Variants in NAV2 observed in about 807,000 individuals in gnomAD.
NAV2 encodes the protein neuron navigator 2, also known as helicase, APC down-regulated 1.
Under a neutral mutation model 223.2 loss-of-function variants are expected in NAV2, and 54 were observed. The observed-to-expected ratio is 0.24, with a 90% CI of 0.19 to 0.30. The LOEUF is 0.30. Ranked by LOEUF, NAV2 falls within the 10% of genes least tolerant of loss-of-function variation. The probability of loss-of-function intolerance (pLI) is 1.00; values close to 1 mark genes in which losing one functional copy is unlikely to be tolerated. For synonymous variants in NAV2, 1,279 were observed against 1,239.3 expected, an observed-to-expected ratio of 1.03 and a Z score of -0.67; for missense variants, 2,806 against 3,147.5, an observed-to-expected ratio of 0.89 and a Z score of 2.60.
chr11:20,083,356 A>G lies in NAV2; in HGVS notation c.5498+177A>G, dbSNP rs560004125. Among the ~76,000 whole-genome samples, 4 of 152,350 alleles carry G rather than the reference A, an allele frequency of 2.6e-5. 1 individual carries two copies. In the East Asian group the frequency reaches 7.7e-4, roughly 29 times the overall value. ...GACTGGGAAAGTTGAAAGAGAAAAG[A>G]AACTTAGGTTTTCGTTCTGATGGTG... On this transcript the variant is annotated intron_variant, in intron 26 of 37. Transcript: ENST00000349880.
chr11:19,452,347 G>A (rs1435284597), intron 1 of NAV2, among the ~76,000 whole-genome samples: 1 of 152,182 alleles, frequency 6.6e-6, no homozygotes, highest in Non-Finnish European at 1.5e-5. Flanking sequence ...GGAAGATAAA[G>A]ACACAGCTGA....
chr11:19,832,752 G>T (rs1190517497), intron 2 of NAV2, 151 bp downstream of exon 2: 32 of 697,340 alleles, frequency 4.6e-5, no homozygotes, highest in Admixed American at 1.5e-4. Flanking sequence ...TGACTAAGTT[G>T]TGTGAGTACC....
At chr11:20,015,837 T>G (rs1335507198) in intron 11 of NAV2, among the ~76,000 whole-genome samples, 1 of 152,190 alleles carries the variant, frequency 6.6e-6, no homozygotes, top group African/African-American at 2.4e-5. Context: ...TAGAAGGAGC[T>G]GAAGGACTGT....
intron 1 of NAV2, among the ~76,000 whole-genome samples, chr11:19,375,789 A>G (rs1188203849): frequency 6.6e-6 from 1 of 152,166 alleles, no homozygotes; most frequent in African/African-American, 2.4e-5. Flanking sequence ...ATCACTTGGC[A>G]TTCCTACAGC....
At chr11:20,089,273 G>C (rs2060661429) in intron 26 of NAV2, among the ~76,000 whole-genome samples, 1 of 152,134 alleles carries the variant, frequency 6.6e-6, no homozygotes, top group Non-Finnish European at 1.5e-5. Flanking sequence ...ACATAAGGTG[G>C]TTTTACCGTG....
chr11:19,407,336 C>T (rs1255436535), intron 1 of NAV2, among the ~76,000 whole-genome samples: 1 of 152,070 alleles, frequency 6.6e-6, no homozygotes, highest in Non-Finnish European at 1.5e-5. Flanking sequence ...ACAAGCAGCA[C>T]CGAATGCCAA....
At chr11:19,552,823 C>T (rs148959551) in intron 1 of NAV2, among the ~76,000 whole-genome samples, 48 of 151,630 alleles carry the variant, frequency 3.2e-4, no homozygotes, top group African/African-American at 1.1e-3. Context: ...GCAGCAGTTC[C>T]ACCCACCAAG....
At chr11:19,518,084 T>A in intron 1 of NAV2, among the ~76,000 whole-genome samples, 1 of 152,256 alleles carries the variant, frequency 6.6e-6, no homozygotes, top group East Asian at 1.9e-4. Context: ...GGCTATTGAC[T>A]TCTTCCTTCT....
At position 19,671,542 on chromosome 11, in the gene NAV2, G is replaced by A. The variant is rs1296712232; in HGVS notation, c.76-160942G>A. On this transcript the variant is annotated intron_variant, in intron 1 of 37. Transcript: ENST00000360655. Reference sequence around the variant, plus strand: ...TTCCTGTCTTTCTCCTGCATCCAGCGAAGCTCCTTGTTGTCAGACTGAACC... The same window carrying A: ...TTCCTGTCTTTCTCCTGCATCCAGCAAAGCTCCTTGTTGTCAGACTGAACC... 4.6e-5 allele frequency among the ~76,000 whole-genome samples: 7 copies of A among 152,088 alleles called. No homozygotes were observed. In the South Asian group the frequency reaches 6.2e-4, roughly 14 times the overall value.
At chr11:19,834,118 C>A (rs2060101304) in intron 2 of NAV2, among the ~76,000 whole-genome samples, 1 of 152,218 alleles carries the variant, frequency 6.6e-6, no homozygotes, top group Non-Finnish European at 1.5e-5. Flanking sequence ...TACCAAAGTG[C>A]AGGCATCATT....
At chr11:19,887,665 C>A (rs1301423619) in intron 5 of NAV2, among the ~76,000 whole-genome samples, 2 of 152,096 alleles carry the variant, frequency 1.3e-5, no homozygotes, top group African/African-American at 4.8e-5. Flanking sequence ...GTAAGGCAAC[C>A]AGGCTGCCTC....
chr11:19,868,815 C>T (rs914002490), intron 3 of NAV2, 110 bp from the exon 4 acceptor site: 12 of 988,428 alleles, frequency 1.2e-5, no homozygotes, highest in South Asian at 1.5e-5. Flanking sequence ...TCTTGGCGTT[C>T]GTTCATCGGC....
chr11:19,581,466 C>A (rs187822210), intron 1 of NAV2, among the ~76,000 whole-genome samples: 1 of 152,246 alleles, frequency 6.6e-6, no homozygotes, highest in East Asian at 1.9e-4. Context: ...GTGTGCTGCA[C>A]CCGTTAACTC....
intron 3 of NAV2, among the ~76,000 whole-genome samples, chr11:19,866,289 A>G (rs2062086167): frequency 6.6e-6 from 1 of 152,212 alleles, no homozygotes; most frequent in Admixed American, 6.5e-5. Context: ...TATCCATAAG[A>G]TGCGAGTAGT....
At chr11:19,646,636 A>G (rs908791008) in intron 1 of NAV2, among the ~76,000 whole-genome samples, 3 of 152,094 alleles carry the variant, frequency 2.0e-5, no homozygotes, top group African/African-American at 4.8e-5. Context: ...ATGTTGGGGT[A>G]TATTTGAGGG....
chr11:19,664,309 G>A (rs1054195298), intron 1 of NAV2, among the ~76,000 whole-genome samples: 1 of 152,196 alleles, frequency 6.6e-6, no homozygotes, highest in Non-Finnish European at 1.5e-5. Context: ...AGGTCCTATA[G>A]CTGGGCATGC....
At chr11:19,527,910 A>T (rs1252731591) in intron 1 of NAV2, among the ~76,000 whole-genome samples, 1 of 146,506 alleles carries the variant, frequency 6.8e-6, no homozygotes, top group Non-Finnish European at 1.5e-5. Flanking sequence ...GGTGCAGCCA[A>T]GTCACAAGGA....
intron 1 of NAV2, among the ~76,000 whole-genome samples, chr11:19,525,382 G>A (rs1238492835): frequency 1.3e-5 from 2 of 152,206 alleles, no homozygotes; most frequent in East Asian, 1.9e-4. Context: ...AATTTCTTAA[G>A]TGGTGTTGGA....
chr11:19,388,667 A>G (rs1849133880), intron 1 of NAV2, among the ~76,000 whole-genome samples: 2 of 152,098 alleles, frequency 1.3e-5, no homozygotes, highest in South Asian at 4.1e-4. Flanking sequence ...TTTCCTAGAG[A>G]CTTACGAAAT....
Sources: gnomAD v4.1 joint callset for allele counts (sites outside exome capture counted in the v4.1 genomes callset) on GRCh38, gnomAD v4.1.1 for gene constraint, MANE v1.5 for transcripts, NCBI Gene and HGNC (gene_info 2026-07-23, HGNC 2026-07-21) for gene names.